Variants in RGS6 observed in about 807,000 individuals in gnomAD.
RGS6 encodes the protein regulator of G protein signaling 6.
RGS6 carries 30 observed loss-of-function variants against 78.5 expected under a neutral mutation model. That is an observed-to-expected ratio of 0.38 (90% CI 0.29 to 0.52). The LOEUF (loss-of-function observed/expected upper bound fraction) is 0.52, where lower values mean the gene tolerates loss of function less well. RGS6 is among the 20% of genes least tolerant of loss of function. The probability of loss-of-function intolerance (pLI) is 0.85; values close to 1 mark genes in which losing one functional copy is unlikely to be tolerated. For synonymous variants in RGS6, 206 were observed against 206.0 expected, an observed-to-expected ratio of 1.00 and a Z score of 0.00; for missense variants, 495 against 609.7, an observed-to-expected ratio of 0.81 and a Z score of 1.98.
chr14:72,093,978 G>A (rs1349973968), intron 2 of RGS6, among the ~76,000 whole-genome samples: 1 of 151,932 alleles, frequency 6.6e-6, no homozygotes, highest in Non-Finnish European at 1.5e-5. Context: ...CATTAAAGAA[G>A]TAATTAAAGA....
intron 2 of RGS6, among the ~76,000 whole-genome samples, chr14:72,200,097 C>A (rs1196326500): frequency 7.2e-5 from 11 of 152,164 alleles, no homozygotes; most frequent in African/African-American, 2.7e-4. Flanking sequence ...ATTAATCTGT[C>A]CTATTGGGAT....
intron 2 of RGS6, among the ~76,000 whole-genome samples, chr14:72,138,204 G>A (rs1403981899): frequency 6.6e-6 from 1 of 152,130 alleles, no homozygotes; most frequent in East Asian, 1.9e-4. Flanking sequence ...AGGGCCTACT[G>A]GATACTGTGA....
At chr14:71,894,604 A>T in the RGS6 span, among the ~76,000 whole-genome samples, 1 of 152,182 alleles carries the variant, frequency 6.6e-6, no homozygotes, top group African/African-American at 2.4e-5. Context: ...CGTGAGAACC[A>T]AGAACTTTCT....
intron 2 of RGS6, among the ~76,000 whole-genome samples, chr14:72,313,814 G>T (rs1259201910): frequency 3.9e-5 from 6 of 152,122 alleles, no homozygotes; most frequent in African/African-American, 1.4e-4. Context: ...GAAAATGAAG[G>T]TATTAGAAGA....
chr14:72,167,093 G>A (rs2096938687), intron 2 of RGS6, among the ~76,000 whole-genome samples: 1 of 152,118 alleles, frequency 6.6e-6, no homozygotes, highest in Non-Finnish European at 1.5e-5. Context: ...AGTCTCTGAT[G>A]AGGCTACGCT....
chr14:72,535,924 A>T (rs972883535), intron 15 of RGS6, among the ~76,000 whole-genome samples: 1 of 152,096 alleles, frequency 6.6e-6, no homozygotes, highest in Non-Finnish European at 1.5e-5. Context: ...AAGCACCCCA[A>T]CATGGCACCC....
At chr14:71,872,800 ATC>A in the RGS6 span, among the ~76,000 whole-genome samples, 2 of 151,924 alleles carry the variant, frequency 1.3e-5, no homozygotes, top group South Asian at 2.1e-4. Context: ...CCCATTCCCC[ATC>A]CCACGACAGG....
intron 1 of RGS6, among the ~76,000 whole-genome samples, chr14:71,961,804 G>A (rs893256682): frequency 5.3e-5 from 8 of 152,206 alleles, no homozygotes; most frequent in Non-Finnish European, 4.4e-5. Flanking sequence ...TGTTTACTGT[G>A]TGTATATATA....
intron 2 of RGS6, among the ~76,000 whole-genome samples, chr14:72,037,466 A>G (rs74683355): frequency 0.13 from 19,801 of 152,214 alleles, 1,338 homozygotes; most frequent in East Asian, 0.17. Context: ...AACAAACTCC[A>G]GACACACCAT....
chr14:72,269,148 C>CCTCT, intron 2 of RGS6, among the ~76,000 whole-genome samples: 1 of 151,866 alleles, frequency 6.6e-6, no homozygotes, highest in Middle Eastern at 3.4e-3. Context: ...CCCCACCACC[C>CCTCT]ACCTTGCTCC....
At chr14:72,508,041 C>T (rs1251903376) in intron 13 of RGS6, among the ~76,000 whole-genome samples, 1 of 152,188 alleles carries the variant, frequency 6.6e-6, no homozygotes, top group Non-Finnish European at 1.5e-5. Flanking sequence ...CAGGATTTGT[C>T]TTCATGTCTT....
intron 2 of RGS6, among the ~76,000 whole-genome samples, chr14:72,143,543 G>A (rs2096569264): frequency 1.3e-5 from 2 of 152,308 alleles, no homozygotes; most frequent in South Asian, 4.1e-4. Flanking sequence ...TGTAGGGATT[G>A]TGGGCCATTG....
intron 1 of RGS6, among the ~76,000 whole-genome samples, chr14:71,934,384 T>G (rs1486807721): frequency 6.6e-6 from 1 of 152,180 alleles, no homozygotes; most frequent in African/African-American, 2.4e-5. Context: ...TGGGAGGTAT[T>G]GTGATGAAGG....
At chr14:72,525,684 G>C (rs2097107979) in intron 15 of RGS6, among the ~76,000 whole-genome samples, 1 of 152,202 alleles carries the variant, frequency 6.6e-6, no homozygotes, top group African/African-American at 2.4e-5. Flanking sequence ...AGTCTTCCCA[G>C]CTGTTCATCT....
At chr14:71,982,401 T>G (rs2094509872) in intron 2 of RGS6, among the ~76,000 whole-genome samples, 1 of 152,226 alleles carries the variant, frequency 6.6e-6, no homozygotes. Flanking sequence ...TTACGTTACT[T>G]CTGAGAGAAC....
intron 2 of RGS6, among the ~76,000 whole-genome samples, chr14:72,315,495 C>T (rs1269780327): frequency 1.3e-5 from 2 of 152,170 alleles, no homozygotes; most frequent in African/African-American, 4.8e-5. Context: ...AATAGCTGCC[C>T]TGGAGAGAAC....
the RGS6 span, among the ~76,000 whole-genome samples, chr14:71,903,785 C>A: frequency 6.6e-6 from 1 of 152,140 alleles, no homozygotes; most frequent in Admixed American, 6.5e-5. Flanking sequence ...TATACTAAAT[C>A]TTAAAATAAA....
At chr14:72,405,282 A>T (rs146984985) in intron 3 of RGS6, among the ~76,000 whole-genome samples, 312 of 152,304 alleles carry the variant, frequency 2.0e-3, no homozygotes, top group African/African-American at 7.1e-3. Context: ...CATGGAAAAG[A>T]GAGAGGAGAG....
intron 2 of RGS6, among the ~76,000 whole-genome samples, chr14:72,328,219 G>T (rs1331895304): frequency 6.6e-6 from 1 of 152,154 alleles, no homozygotes; most frequent in Non-Finnish European, 1.5e-5. Context: ...TCAATCTACT[G>T]ATTCAAATGC....
Sources: allele counts gnomAD v4.1 joint callset (sites outside exome capture counted in the v4.1 genomes callset), GRCh38; gene constraint gnomAD v4.1.1; transcripts MANE v1.5; gene names NCBI Gene and HGNC (gene_info 2026-07-23, HGNC 2026-07-21).